ABCC5: variants seen among roughly 807,000 people sequenced by gnomAD.
ABCC5 encodes the protein ATP binding cassette subfamily C member 5.
A neutral mutation model predicts 160.9 loss-of-function variants in ABCC5; 61 were observed. That is an observed-to-expected ratio of 0.38 (90% confidence interval 0.31 to 0.47). ABCC5 has a LOEUF of 0.47. Among genes scored for constraint, ABCC5 ranks in the 20% least tolerant of loss-of-function variants. The probability of loss-of-function intolerance (pLI) is 0.99; values close to 1 mark genes in which losing one functional copy is unlikely to be tolerated. For missense variants in ABCC5, 1,308 were observed against 1,813.3 expected, an observed-to-expected ratio of 0.72 and a Z score of 5.06; for synonymous variants, 666 against 700.6, an observed-to-expected ratio of 0.95 and a Z score of 0.78.
At chr3:183,938,180 T>C (rs1713931350) in intron 25 of ABCC5, 120 bp from the exon 26 acceptor site, 4 of 961,252 alleles carry the variant, frequency 4.2e-6, no homozygotes, top group East Asian at 4.9e-5. Context: ...TTATTTCAAC[T>C]GATTAACTGA....
intron 22 of ABCC5, among the ~76,000 whole-genome samples, chr3:183,947,954 A>G (rs2280392): frequency 0.053 from 8,040 of 152,334 alleles, 328 homozygotes; most frequent in East Asian, 0.17. Flanking sequence ...TGGGAACACC[A>G]TAAGTGTGTG....
rs1279734029 is a variant in ABCC5, at chr3:183,951,735, T to C, written c.2814+122A>G. On this transcript the variant is annotated intron_variant, in intron 19 of 29. Transcript: ENST00000334444. The surrounding 1 kb of genome is among the most constrained non-coding windows in gnomAD (Gnocchi z 4.7). ...GTGGAGGCTAACGGAATATGAGTCA[T>C]CTCAGCCAGGGCCATCCTGGTTAAG... The C allele has an allele frequency of 1.4e-6, 2 of 1,478,972 alleles. No homozygotes were observed. The highest frequency in any genetic ancestry group is 1.4e-5 in the African/African-American group (1 of 72,172). The allele number at this position is 1,478,972 out of a possible 1,614,324, so 91.6% of individuals were successfully genotyped here.
chr3:183,946,985 A>G (rs16858269), intron 23 of ABCC5, among the ~76,000 whole-genome samples: 2,315 of 152,326 alleles, frequency 0.015, 40 homozygotes, highest in African/African-American at 0.053. Context: ...AGAAGACTAG[A>G]AAGAGGCCAG....
chr3:184,002,219 G>A (rs894075378), intron 2 of ABCC5, among the ~76,000 whole-genome samples: 3 of 151,972 alleles, frequency 2.0e-5, no homozygotes, highest in Non-Finnish European at 4.4e-5. Context: ...CCAACATGGT[G>A]AAATCCCGGT....
intron 27 of ABCC5, among the ~76,000 whole-genome samples, chr3:183,928,391 C>T (rs925608308): frequency 3.9e-5 from 6 of 152,140 alleles, no homozygotes; most frequent in Middle Eastern, 3.2e-3. Flanking sequence ...GGATTACAGG[C>T]GAGAGCCACT....
At position 183,988,983 on chromosome 3, in the gene ABCC5, G is replaced by A. The variant is rs890626804; in HGVS notation, c.287+243C>T. ...GATTGAGACTATCCTGGCCAATATG[G>A]TGTAACCCCGTCTCTACTAAAAATA... On this transcript the variant is annotated intron_variant, in intron 3 of 29. Transcript: ENST00000334444. This position sits in a 1 kb window ranked among gnomAD's most constrained non-coding sequence, Gnocchi z 4.4. Among the ~76,000 whole-genome samples, 4 of 151,882 alleles carry A rather than the reference G, an allele frequency of 2.6e-5. No individual in the cohort carries two copies. Among genetic ancestry groups the A allele is most frequent in the East Asian group, 1.9e-4 (1 of 5,176 alleles).
At position 183,925,584 on chromosome 3, in the gene ABCC5, C is replaced by T. The variant is rs1352826049; in HGVS notation, c.4183G>A (p.Asp1395Asn). Residue 1395 changes from aspartate to asparagine, a missense_variant, in exon 29 of 30, where the codon GAT becomes AAT. Physicochemically the swap from Asp to Asn is conservative, Grantham distance 23. Around this residue, in one of 3 missense-constraint regions of ABCC5, gnomAD observed 163 missense variants for 269.7 expected, o/e 0.60. Transcript: ENST00000334444. ...AHRLHTVLGSDRIMVLAQGQV... is the reference protein window; with the variant it reads ...AHRLHTVLGSNRIMVLAQGQV... ...CCCTGGGCCAGCACCATAATCCTATCGGAGCCTAGAACCGTGTGCAGGCGA... is the reference window on the plus strand; with the variant it reads ...CCCTGGGCCAGCACCATAATCCTATTGGAGCCTAGAACCGTGTGCAGGCGA... The T allele has an allele frequency of 5.6e-6, 9 of 1,613,982 alleles. No individual in the cohort carries two copies. Among genetic ancestry groups the T allele is most frequent in the East Asian group, 4.5e-5 (2 of 44,862 alleles).
chr3:183,934,710 T>G (rs1347562206), intron 26 of ABCC5, among the ~76,000 whole-genome samples: 1 of 152,208 alleles, frequency 6.6e-6, no homozygotes, highest in Non-Finnish European at 1.5e-5. Context: ...AGAGACGACG[T>G]CTCACGATGT....
chr3:183,988,727 T>C lies in ABCC5; in HGVS notation c.288A>G (p.Lys96=), dbSNP rs564398427. ...SALKPIRTTS[K]HQHPVDNAGL... is the part of the protein sequence containing the mutation. ...CAGCATTGTCCACTGGGTGCTGGTG[T>C]CTAAGGAGAGAAAACCGAAATCACA... Residue 96 remains lysine (K), a splice_region_variant and synonymous_variant, in exon 4 of 30, where the codon AAA becomes AAG. Transcript: ENST00000334444. The surrounding 1 kb of genome is among the most constrained non-coding windows in gnomAD (Gnocchi z 4.4). 2 of 1,611,416 alleles carry C rather than the reference T, an allele frequency of 1.2e-6. No homozygotes were observed. Among genetic ancestry groups the C allele is most frequent in the Non-Finnish European group, 1.7e-6 (2 of 1,179,288 alleles).
At position 183,983,920 on chromosome 3, in the gene ABCC5, C is replaced by T. The variant is rs1223534480; in HGVS notation, c.592-913G>A. 8.1e-6 allele frequency: 8 copies of T among 985,288 alleles called. No homozygotes were observed. In the South Asian group the frequency reaches 2.8e-4, roughly 35 times the overall value. 61.0% of individuals were successfully genotyped at this position (985,288 alleles called of 1,614,324 possible). A position where few individuals can be genotyped will look rare whatever the true frequency, so the allele number is the denominator to read the frequency against. On this transcript the variant is annotated intron_variant, in intron 5 of 29. Transcript: ENST00000334444. ...ATCTAACAGGTCATCTGGTCTCCGA[C>T]GGTTGTTTAACGACACACAGTAGAA...
chr3:183,920,250 G>A lies in ABCC5; in HGVS notation c.*1050C>T, dbSNP rs1711848521. The A allele has an allele frequency of 6.5e-6, 1 of 152,752 alleles. No individual in the cohort carries two copies. The highest frequency in any genetic ancestry group is 2.1e-4 in the South Asian group (1 of 4,832). 9.5% of individuals were successfully genotyped at this position (152,752 alleles called of 1,614,324 possible). A position where few individuals can be genotyped will look rare whatever the true frequency, so the allele number is the denominator to read the frequency against. ...GTTGCAGACTTTGAGGGGAGAGAGA[G>A]AGAGAGACTGTGCGACGACTGCGGT... On this transcript the variant is annotated 3_prime_UTR_variant, in exon 30 of 30. Coordinates refer to ENST00000334444, the MANE Select transcript of ABCC5 (RefSeq NM_005688.4). The surrounding 1 kb of genome is among the most constrained non-coding windows in gnomAD (Gnocchi z 4.1).
chr3:183,951,664 G>C lies in ABCC5; in HGVS notation c.2815-94C>G, dbSNP rs563885669. The C allele has an allele frequency of 7.8e-6, 12 of 1,541,300 alleles. No homozygotes were observed. The highest frequency in any genetic ancestry group is 1.1e-5 in the Non-Finnish European group (12 of 1,140,660). ...TCCGCAGCACATCCACTCCCAAAGC[G>C]GGGAGGTGTGAGGGGTCAGGAGGGA... On this transcript the variant is annotated intron_variant, in intron 19 of 29. Transcript: ENST00000334444. The surrounding 1 kb of genome is among the most constrained non-coding windows in gnomAD (Gnocchi z 4.7).
chr3:183,984,716 G>C (rs1719045918), intron 5 of ABCC5: 1 of 1,528,464 alleles, frequency 6.5e-7, no homozygotes, highest in Non-Finnish European at 8.7e-7. Context: ...TATACAGCCG[G>C]GTTGCTGGTT....
intron 11 of ABCC5, among the ~76,000 whole-genome samples, chr3:183,968,934 A>C (rs1230256545): frequency 6.6e-6 from 1 of 152,206 alleles, no homozygotes; most frequent in Non-Finnish European, 1.5e-5. Flanking sequence ...CATAAAACTA[A>C]GTACAGTGTC....
rs191957272 is a variant in ABCC5, at chr3:183,920,095, C to G, written c.*1205G>C. On this transcript the variant is annotated 3_prime_UTR_variant, in exon 30 of 30. Coordinates refer to ENST00000334444, the MANE Select transcript of ABCC5 (RefSeq NM_005688.4). The surrounding 1 kb of genome is among the most constrained non-coding windows in gnomAD (Gnocchi z 4.1). ...TGACCACGCCCACCTGAGCTACCAG[C>G]CCCACAGCACAAAGGGGGTTTGCGG... 6.5e-6 allele frequency: 1 copy of G among 152,834 alleles called. No homozygotes were observed. The highest frequency in any genetic ancestry group is 2.4e-5 in the African/African-American group (1 of 41,554). The allele number at this position is 152,834 out of a possible 1,614,324, so 9.5% of individuals were successfully genotyped here. A position where few individuals can be genotyped will look rare whatever the true frequency, so the allele number is the denominator to read the frequency against.
At position 183,989,366 on chromosome 3, in the gene ABCC5, G is replaced by A; in HGVS notation, c.147C>T (p.Ala49=). ...CCTCGGCTCGGGCTGCTGTTTCCAA[G>A]GCATCTTGGCATTCCAACTGTTCCA... The part of the protein sequence containing the change: ...RRTRPLECQD[A]LETAARAEGL... The change falls in exon 3 of 30, where the codon GCC becomes GCT. Residue 49 remains alanine, a synonymous_variant. Coordinates refer to ENST00000334444, the MANE Select transcript of ABCC5 (RefSeq NM_005688.4). 1 of 1,613,874 alleles carries A rather than the reference G, an allele frequency of 6.2e-7. No individual in the cohort carries two copies. The highest frequency in any genetic ancestry group is 8.5e-7 in the Non-Finnish European group (1 of 1,179,898).
At chr3:183,961,686 C>T in intron 15 of ABCC5, 32 bp from the exon 16 acceptor site, 1 of 1,612,578 alleles carries the variant, frequency 6.2e-7, no homozygotes, top group Non-Finnish European at 8.5e-7. Flanking sequence ...ACACAATATG[C>T]TGTTTGTGCA....
intron 15 of ABCC5, among the ~76,000 whole-genome samples, chr3:183,961,856 T>G (rs1471991913): frequency 1.3e-5 from 2 of 152,194 alleles, no homozygotes. Flanking sequence ...CTCGGTTCAC[T>G]GCAATCTCCG....
At chr3:183,957,303 C>T (rs1352990365) in intron 17 of ABCC5, among the ~76,000 whole-genome samples, 3 of 107,992 alleles carry the variant, frequency 2.8e-5, no homozygotes, top group Admixed American at 9.7e-5. Context: ...CATGCGGATC[C>T]GTGTGTAAAT....
Sources: gnomAD v4.1 joint callset for allele counts (sites outside exome capture counted in the v4.1 genomes callset) on GRCh38, gnomAD v4.1.1 for gene constraint, gnomAD v4.1.1 regional missense constraint, Gnocchi (gnomAD v3.1) non-coding constraint, MANE v1.5 for transcripts, NCBI Gene and HGNC (gene_info 2026-07-23, HGNC 2026-07-21) for gene names.